KAZN: variants seen among roughly 807,000 people sequenced by gnomAD.
KAZN encodes kazrin, periplakin interacting protein.
KAZN carries 40 observed loss-of-function variants against 87.4 expected under a neutral mutation model. The ratio of observed to expected loss-of-function variants is 0.46; its 90% CI spans 0.36 to 0.60. The LOEUF (loss-of-function observed/expected upper bound fraction) is 0.60. Ranked by LOEUF, KAZN falls within the 20% of genes least tolerant of loss-of-function variation. KAZN has a pLI of 0.00. For synonymous variants in KAZN, 466 were observed against 458.3 expected (o/e 1.02, Z -0.22); for missense variants, 898 against 1,073.9 (o/e 0.84, Z 2.29).
At chr1:15,007,056 C>CA (rs35245453) in intron 2 of KAZN, among the ~76,000 whole-genome samples, 28,625 of 67,700 alleles carry the variant, frequency 0.42, 5,745 homozygotes, top group African/African-American at 0.58. Flanking sequence ...GACTCCGTCT[C>CA]AAAAAAAAAA....
intron 2 of KAZN, among the ~76,000 whole-genome samples, chr1:14,477,196 C>T (rs1281038896): frequency 6.6e-6 from 1 of 151,920 alleles, no homozygotes; most frequent in East Asian, 1.9e-4. Flanking sequence ...ATGAATCTCA[C>T]AAGATCTGAT....
intron 6 of KAZN, 47 bp from the exon 7 acceptor site, chr1:15,063,525 G>A (rs1638972091): frequency 1.3e-6 from 2 of 1,558,674 alleles, no homozygotes; most frequent in East Asian, 2.2e-5. Context: ...GCTCTCCTGT[G>A]TCACCTGTCT....
intron 1 of KAZN, among the ~76,000 whole-genome samples, chr1:14,777,834 CT>C (rs1430484867): frequency 2.0e-5 from 3 of 152,142 alleles, no homozygotes; most frequent in Non-Finnish European, 4.4e-5. Context: ...GGTTCCTCCC[CT>C]TTTTAGACCA....
chr1:14,402,822 G>C (rs6696419), intron 2 of KAZN, among the ~76,000 whole-genome samples: 1 of 151,798 alleles, frequency 6.6e-6, no homozygotes, highest in African/African-American at 2.4e-5. Context: ...GACCCAAATG[G>C]ATATAGAAAC....
intron 1 of KAZN, among the ~76,000 whole-genome samples, chr1:13,964,644 G>A (rs1019556651): frequency 1.3e-5 from 2 of 152,220 alleles, no homozygotes; most frequent in African/African-American, 2.4e-5. Flanking sequence ...GGTTCTGAGA[G>A]AGGCAAGTAT....
chr1:14,918,035 C>T (rs75400406), intron 1 of KAZN, among the ~76,000 whole-genome samples: 19 of 152,176 alleles, frequency 1.2e-4, no homozygotes, highest in Non-Finnish European at 1.9e-4. Context: ...TGAGCCACCA[C>T]GCCCGGCTAA....
intron 2 of KAZN, among the ~76,000 whole-genome samples, chr1:14,437,472 C>T (rs550089194): frequency 4.6e-5 from 7 of 152,330 alleles, no homozygotes; most frequent in African/African-American, 7.2e-5. Flanking sequence ...GTGAGACCTG[C>T]GTCTTTGTTC....
chr1:14,566,255 A>G (rs1156770249), intron 2 of KAZN, among the ~76,000 whole-genome samples: 1 of 152,252 alleles, frequency 6.6e-6, no homozygotes, highest in African/African-American at 2.4e-5. Flanking sequence ...AAGCTCTTGA[A>G]TAGTTAGGTG....
intron 2 of KAZN, among the ~76,000 whole-genome samples, chr1:14,315,922 T>C (rs1655626099): frequency 6.6e-6 from 1 of 151,910 alleles, no homozygotes; most frequent in Non-Finnish European, 1.5e-5. Context: ...ATAGTGCAAG[T>C]GGAATTGCTA....
intron 2 of KAZN, among the ~76,000 whole-genome samples, chr1:14,344,211 G>A (rs1390485208): frequency 7.1e-6 from 1 of 139,908 alleles, no homozygotes; most frequent in Non-Finnish European, 1.5e-5. Context: ...AACTAGCCTG[G>A]CATGTTCTAA....
intron 1 of KAZN, among the ~76,000 whole-genome samples, chr1:14,624,619 T>A (rs1030214047): frequency 1.3e-5 from 2 of 152,130 alleles, no homozygotes; most frequent in African/African-American, 4.8e-5. Flanking sequence ...TGACAAAATC[T>A]CCAGCCACCA....
intron 2 of KAZN, among the ~76,000 whole-genome samples, chr1:14,529,752 G>A (rs141699383): frequency 6.6e-6 from 1 of 152,328 alleles, no homozygotes; most frequent in East Asian, 1.9e-4. Flanking sequence ...AGGCCTCACT[G>A]CTCATCCTTG....
At chr1:14,359,047 G>T (rs922521383) in intron 2 of KAZN, among the ~76,000 whole-genome samples, 1 of 152,130 alleles carries the variant, frequency 6.6e-6, no homozygotes, top group Non-Finnish European at 1.5e-5. Flanking sequence ...CTATTATTGT[G>T]TGGGAGTCTA....
At chr1:13,955,566 T>A (rs1305311760) in intron 1 of KAZN, among the ~76,000 whole-genome samples, 3 of 152,140 alleles carry the variant, frequency 2.0e-5, no homozygotes, top group African/African-American at 7.2e-5. Context: ...TGGGGTGGTG[T>A]CTTTTGGGAT....
At chr1:14,857,937 C>T (rs1650323509) in intron 1 of KAZN, among the ~76,000 whole-genome samples, 1 of 152,122 alleles carries the variant, frequency 6.6e-6, no homozygotes, top group Non-Finnish European at 1.5e-5. Context: ...ATACTCTGTA[C>T]CTATGAGTAG....
intron 2 of KAZN, among the ~76,000 whole-genome samples, chr1:14,497,337 A>T (rs1670001804): frequency 6.6e-4 from 1 of 1,510 alleles, no homozygotes; most frequent in Non-Finnish European, 1.6e-3. Context: ...TCTGTTACTA[A>T]AAAAAAAAAA....
Position 13,983,111 on chromosome 1 carries a change from C to G in KAZN, c.91+89355C>G, listed in dbSNP as rs1328128993. On this transcript the variant is annotated intron_variant, in intron 1 of 16. Transcript: ENST00000636203. Reference sequence around the variant, plus strand: ...GCCCAGCTGGCTTCACCCAGTGGATCTCGCACGGGGGCTGCAGGTGGAGCT... The same window carrying G: ...GCCCAGCTGGCTTCACCCAGTGGATGTCGCACGGGGGCTGCAGGTGGAGCT... 3.9e-5 allele frequency among the ~76,000 whole-genome samples: 6 copies of G among 152,280 alleles called. 1 individual carries two copies. In the South Asian group the frequency reaches 1.2e-3, roughly 31 times the overall value.
intron 2 of KAZN, among the ~76,000 whole-genome samples, chr1:14,397,095 AGT>A (rs1186250828): frequency 6.6e-6 from 1 of 152,216 alleles, no homozygotes; most frequent in Non-Finnish European, 1.5e-5. Flanking sequence ...ATAGGATTGC[AGT>A]AATAGCCCCA....
intron 1 of KAZN, among the ~76,000 whole-genome samples, chr1:14,115,614 C>T (rs1426933747): frequency 6.6e-6 from 1 of 152,152 alleles, no homozygotes; most frequent in Non-Finnish European, 1.5e-5. Context: ...TCTTTATCAG[C>T]AGCATGAAAA....
Sources: allele counts gnomAD v4.1 joint callset (sites outside exome capture counted in the v4.1 genomes callset), GRCh38; gene constraint gnomAD v4.1.1; transcripts MANE v1.5; gene names NCBI Gene and HGNC (gene_info 2026-07-23, HGNC 2026-07-21).